STK31: variants seen among roughly 807,000 people sequenced by gnomAD.
STK31 encodes serine/threonine-protein kinase 31.
Under a neutral mutation model 129.7 loss-of-function variants are expected in STK31, and 89 were observed. The observed-to-expected ratio is 0.69, with a 90% CI of 0.58 to 0.82. STK31 has a LOEUF of 0.82. Ranked by LOEUF, STK31 falls within the 40% of genes least tolerant of loss-of-function variation. The pLI, the probability that STK31 is intolerant of heterozygous loss-of-function variation, is 0.00. For synonymous variants in STK31, 448 were observed against 395.3 expected (o/e 1.13, Z -1.58); for missense variants, 1,187 against 1,176.4 (o/e 1.01, Z -0.13).
chr7:23,724,030 A>G (rs1185934649), intron 4 of STK31, among the ~76,000 whole-genome samples: 7 of 152,220 alleles, frequency 4.6e-5, no homozygotes, highest in Admixed American at 4.6e-4. Flanking sequence ...CAGTAATTCT[A>G]CAGAAGTAAA....
chr7:23,788,018 G>C lies in STK31; in HGVS notation c.2526G>C (p.Leu842=). 1.2e-6 allele frequency: 2 copies of C among 1,608,710 alleles called. No homozygotes were observed. The highest frequency in any genetic ancestry group is 1.7e-6 in the Non-Finnish European group (2 of 1,177,388). The change falls in exon 21 of 24, where the codon CTG becomes CTC. Residue 842 remains leucine (L), a synonymous_variant. Transcript: ENST00000355870. ...LKVMKGVAQG[L]HTLHKADIIH... ...TCATGAAAGGTGTTGCCCAGGGTCT[G>C]CATACATTGCATAAGGCTGACATAA...
chr7:23,812,573 T>C (rs996012389), intron 22 of STK31, among the ~76,000 whole-genome samples: 1 of 152,104 alleles, frequency 6.6e-6, no homozygotes, highest in African/African-American at 2.4e-5. Flanking sequence ...GTTACACAGG[T>C]ATATTGTTTA....
At chr7:23,750,078 C>T (rs868781169) in intron 8 of STK31, among the ~76,000 whole-genome samples, 1 of 130,750 alleles carries the variant, frequency 7.6e-6, no homozygotes, top group East Asian at 2.3e-4. Context: ...CCCCCCCCGC[C>T]ACTGCTGGAA....
intron 22 of STK31, among the ~76,000 whole-genome samples, chr7:23,802,929 C>T (rs1036745043): frequency 6.6e-6 from 1 of 152,202 alleles, no homozygotes; most frequent in African/African-American, 2.4e-5. Context: ...GACATCTTTA[C>T]TACATTGAGC....
chr7:23,734,095 G>T (rs1562557609), intron 6 of STK31, among the ~76,000 whole-genome samples: 1 of 152,104 alleles, frequency 6.6e-6, no homozygotes, highest in Non-Finnish European at 1.5e-5. Context: ...TGACCGGTTT[G>T]TATTTTGTGG....
chr7:23,811,498 A>G, intron 22 of STK31: 1 of 277,778 alleles, frequency 3.6e-6, no homozygotes, highest in Non-Finnish European at 7.6e-6. Context: ...TGGGTCCTTC[A>G]GTAGAGGCAT....
chr7:23,782,572 G>A (rs1273816451), intron 16 of STK31, among the ~76,000 whole-genome samples: 2 of 151,850 alleles, frequency 1.3e-5, no homozygotes, highest in South Asian at 2.1e-4. Context: ...ATTCATCTGC[G>A]TATATGTAAA....
chr7:23,821,539 T>C lies in STK31; in HGVS notation c.2829+6327T>C, dbSNP rs529944321. Among the ~76,000 whole-genome samples, 3 of 152,316 alleles carry C rather than the reference T, an allele frequency of 2.0e-5. No homozygotes were observed. The East Asian group carries it at 5.8e-4, about 29-fold the overall frequency. On this transcript the variant is annotated intron_variant, in intron 23 of 23. Coordinates refer to ENST00000355870, the MANE Select transcript of STK31 (RefSeq NM_031414.5). ...TTTCCCTGTCGAGTTTCTTGTATAT[T>C]CTGGATATTAGTCCTGTGTTGGATG...
At chr7:23,717,114 T>TTTTTTTTTTTTTTTA in intron 3 of STK31, among the ~76,000 whole-genome samples, 1 of 135,172 alleles carries the variant, frequency 7.4e-6, no homozygotes, top group Non-Finnish European at 1.6e-5. Flanking sequence ...TTTTTTTTTT[T>TTTTTTTTTTTTTTTA]TTTTTTTTTT....
At chr7:23,793,399 C>T (rs994122918) in intron 22 of STK31, among the ~76,000 whole-genome samples, 1 of 152,116 alleles carries the variant, frequency 6.6e-6, no homozygotes, top group Non-Finnish European at 1.5e-5. Flanking sequence ...ATTTGGATTT[C>T]ATCAAAATGG....
intron 15 of STK31, among the ~76,000 whole-genome samples, chr7:23,776,592 T>C (rs922250186): frequency 6.6e-5 from 10 of 152,232 alleles, no homozygotes; most frequent in African/African-American, 2.4e-4. Context: ...TTTCCATTTC[T>C]TCTAGATTTT....
chr7:23,750,066 T>TCC (rs1788609697), intron 8 of STK31, among the ~76,000 whole-genome samples: 2 of 77,600 alleles, frequency 2.6e-5, no homozygotes, highest in Admixed American at 1.8e-4. Context: ...AATGGTTTGT[T>TCC]TCCCCCCCCG....
At chr7:23,790,348 A>G (rs1791546011) in intron 21 of STK31, among the ~76,000 whole-genome samples, 1 of 152,200 alleles carries the variant, frequency 6.6e-6, no homozygotes, top group Non-Finnish European at 1.5e-5. Context: ...AGAGTGGGGA[A>G]TTGTAACCAA....
chr7:23,797,292 C>G (rs35483416), intron 22 of STK31, among the ~76,000 whole-genome samples: 1 of 152,116 alleles, frequency 6.6e-6, no homozygotes, highest in Non-Finnish European at 1.5e-5. Context: ...AACTCTCCAC[C>G]CCAAATCAAC....
intron 23 of STK31, among the ~76,000 whole-genome samples, chr7:23,829,531 G>A (rs1175385316): frequency 6.6e-6 from 1 of 152,148 alleles, no homozygotes; most frequent in Non-Finnish European, 1.5e-5. Context: ...CGGATTGGTA[G>A]TATTTTGTTG....
intron 22 of STK31, among the ~76,000 whole-genome samples, chr7:23,810,729 T>TAA (rs1793053607): frequency 3.0e-5 from 1 of 32,990 alleles, no homozygotes; most frequent in African/African-American, 9.0e-5. Flanking sequence ...ATATATAAAA[T>TAA]AGATATATAT....
chr7:23,781,017 A>C (rs756974565), intron 15 of STK31, among the ~76,000 whole-genome samples: 3 of 152,132 alleles, frequency 2.0e-5, no homozygotes, highest in Non-Finnish European at 4.4e-5. Flanking sequence ...TCACACATTT[A>C]CTCATCCTTT....
intron 8 of STK31, among the ~76,000 whole-genome samples, chr7:23,746,848 TAAA>T (rs887884612): frequency 6.6e-6 from 1 of 151,918 alleles, no homozygotes; most frequent in Non-Finnish European, 1.5e-5. Context: ...TAAAATAAGT[TAAA>T]ATTATTTAAC....
chr7:23,761,438 T>TG (rs1789454198), intron 10 of STK31, among the ~76,000 whole-genome samples: 1 of 138,444 alleles, frequency 7.2e-6, no homozygotes, highest in African/African-American at 2.6e-5. Flanking sequence ...TTTTTTTTTT[T>TG]GAGACGGAGT....
Sources: allele counts gnomAD v4.1 joint callset (sites outside exome capture counted in the v4.1 genomes callset), GRCh38; gene constraint gnomAD v4.1.1; transcripts MANE v1.5; gene names NCBI Gene and HGNC (gene_info 2026-07-23, HGNC 2026-07-21).